The following KIF6 variants were observed in gnomAD, a reference collection of about 807,000 sequenced individuals.
KIF6 encodes kinesin-like protein KIF6.
A neutral mutation model predicts 112.7 loss-of-function variants in KIF6; 106 were observed. The ratio of observed to expected loss-of-function variants is 0.94; its 90% CI spans 0.80 to 1.11. The LOEUF (loss-of-function observed/expected upper bound fraction) is 1.11, where lower values mean the gene tolerates loss of function less well. Among genes scored for constraint, KIF6 ranks in the 50% least tolerant of loss-of-function variants. The pLI, the probability that KIF6 is intolerant of heterozygous loss-of-function variation, is 0.00. For synonymous variants in KIF6, 339 were observed against 339.9 expected, an observed-to-expected ratio of 1.00 and a Z score of 0.03; for missense variants, 929 against 964.0, an observed-to-expected ratio of 0.96 and a Z score of 0.48.
intron 13 of KIF6, among the ~76,000 whole-genome samples, chr6:39,475,415 T>A (rs1376515847): frequency 6.6e-6 from 1 of 152,250 alleles, no homozygotes; most frequent in Non-Finnish European, 1.5e-5. Flanking sequence ...TTTGCAAGTA[T>A]GCTTATTTTA....
At chr6:39,601,094 T>G (rs532058909) in intron 6 of KIF6, among the ~76,000 whole-genome samples, 1 of 152,148 alleles carries the variant, frequency 6.6e-6, no homozygotes, top group African/African-American at 2.4e-5. Context: ...TTGTTCTGTA[T>G]AGCAGATTGG....
At chr6:39,460,470 C>A (rs1773395416) in intron 13 of KIF6, among the ~76,000 whole-genome samples, 1 of 113,926 alleles carries the variant, frequency 8.8e-6, no homozygotes, top group Admixed American at 1.1e-4. Flanking sequence ...CACATGTATA[C>A]ATATGTAACT....
intron 6 of KIF6, among the ~76,000 whole-genome samples, chr6:39,612,137 T>A (rs961671999): frequency 6.6e-6 from 1 of 152,164 alleles, no homozygotes; most frequent in Non-Finnish European, 1.5e-5. Flanking sequence ...GCTTTCAGTA[T>A]CTGAATTTGG....
chr6:39,596,231 G>A lies in KIF6; in HGVS notation c.669C>T (p.Ser223=). The change falls in exon 7 of 23, where the codon TCC becomes TCT. Residue 223 remains serine, a synonymous_variant. Transcript: ENST00000287152. ...ETPMNQASTR[S]HCIFTIHLSS... ...ACAAATGAATGGTGAAAATGCAGTG[G>A]GAACGGGTTGAAGCTTGGTTCATAG... 1.9e-6 allele frequency: 3 copies of A among 1,613,880 alleles called. No homozygotes were observed. Among genetic ancestry groups the A allele is most frequent in the Non-Finnish European group, 2.5e-6 (3 of 1,179,892 alleles).
intron 13 of KIF6, among the ~76,000 whole-genome samples, chr6:39,511,532 G>T (rs184208847): frequency 1.2e-4 from 19 of 152,274 alleles, no homozygotes; most frequent in Admixed American, 9.8e-4. Context: ...AAGACAGTGT[G>T]GTGATTCCTC....
intron 3 of KIF6, among the ~76,000 whole-genome samples, chr6:39,689,438 A>C (rs554178318): frequency 1.3e-5 from 2 of 152,118 alleles, no homozygotes; most frequent in Non-Finnish European, 2.9e-5. Flanking sequence ...CTGAGGCTGC[A>C]ATGAGCCCTG....
At chr6:39,574,502 T>C (rs1780822039) in intron 10 of KIF6, among the ~76,000 whole-genome samples, 2 of 152,248 alleles carry the variant, frequency 1.3e-5, no homozygotes, top group African/African-American at 4.8e-5. Context: ...CTAGATGTTC[T>C]TGTTTTCAGA....
intron 16 of KIF6, among the ~76,000 whole-genome samples, chr6:39,375,943 C>A (rs1581708919): frequency 6.6e-6 from 1 of 152,164 alleles, no homozygotes; most frequent in African/African-American, 2.4e-5. Context: ...GGTGCAGGAG[C>A]CTTAAACCAC....
intron 14 of KIF6, among the ~76,000 whole-genome samples, chr6:39,426,425 G>T (rs796488107): frequency 2.7e-4 from 41 of 152,244 alleles, no homozygotes; most frequent in African/African-American, 9.9e-4. Flanking sequence ...AGCAAAGGGT[G>T]CAGGAAAAAG....
intron 3 of KIF6, among the ~76,000 whole-genome samples, chr6:39,668,553 G>T (rs113427269): frequency 0.033 from 5,006 of 152,200 alleles, 107 homozygotes; most frequent in Non-Finnish European, 0.049. Flanking sequence ...TTCAGGCTTT[G>T]CTTGAATACT....
rs58810898 is a variant in KIF6, at chr6:39,349,631, C to CTTTTTTTTTTTTTT, written c.2181-3119_2181-3106dup. On this transcript the variant is annotated intron_variant, in intron 19 of 22. Transcript: ENST00000287152. ...GAAGGTCTAGGTTTAATTTGTGGCT[C>CTTTTTTTTTTTTTT]TTTTTTTTTTTTTTTTTTTTTTTTT... Among the ~76,000 whole-genome samples the CTTTTTTTTTTTTTT allele has an allele frequency of 1.2e-3, 76 of 64,560 alleles. 6 individuals are homozygous for CTTTTTTTTTTTTTT. Among genetic ancestry groups the CTTTTTTTTTTTTTT allele is most frequent in the East Asian group, 4.7e-3 (6 of 1,272 alleles). The allele number at this position is 64,560 out of a possible 152,430, so 42.4% of individuals were successfully genotyped here. A position where few individuals can be genotyped will look rare whatever the true frequency, so the allele number is the denominator to read the frequency against.
chr6:39,540,051 C>T lies in KIF6; in HGVS notation c.1597G>A (p.Asp533Asn). 6.2e-7 allele frequency: 1 copy of T among 1,613,422 alleles called. No homozygotes were observed. Among genetic ancestry groups the T allele is most frequent in the East Asian group, 2.2e-5 (1 of 44,874 alleles). ...GATCTTTTCCCCAAAATGCTGAAGT[C>T]CTGGGCCTGTGAGGGAGCTGAGGAT... ...RLSSAPSQAQ[D>N]FSILGKRSSL... is the part of the protein sequence containing the mutation. Residue 533 changes from aspartate (D) to asparagine (N), a missense_variant, in exon 13 of 23, where the codon GAC becomes AAC. Physicochemically the swap from Asp to Asn is conservative, Grantham distance 23. Transcript: ENST00000287152.
At chr6:39,352,706 C>T (rs1011318697) in intron 19 of KIF6, among the ~76,000 whole-genome samples, 1 of 151,450 alleles carries the variant, frequency 6.6e-6, no homozygotes, top group Non-Finnish European at 1.5e-5. Flanking sequence ...TCGGTTCAAG[C>T]GATTCTCCTG....
intron 3 of KIF6, among the ~76,000 whole-genome samples, chr6:39,649,756 A>C (rs1184263108): frequency 9.9e-6 from 1 of 101,214 alleles, no homozygotes; most frequent in African/African-American, 2.8e-5. Context: ...AAAGAAAGAA[A>C]GAAAGAAAGA....
At chr6:39,688,407 T>A (rs2113795041) in intron 3 of KIF6, among the ~76,000 whole-genome samples, 1 of 152,286 alleles carries the variant, frequency 6.6e-6, no homozygotes, top group East Asian at 1.9e-4. Flanking sequence ...ATCTTACTTT[T>A]GCCAAATATA....
Position 39,414,021 on chromosome 6 carries a change from T to C in KIF6, c.1810+5927A>G, listed in dbSNP as rs140656085. Among the ~76,000 whole-genome samples, 779 of 152,354 alleles carry C rather than the reference T, an allele frequency of 5.1e-3. 6 individuals are homozygous for C. Among genetic ancestry groups the C allele is most frequent in the African/African-American group, 0.017 (711 of 41,582 alleles). Reference sequence around the variant, plus strand: ...CTTTTCTCTGAACCATTTCTATTCTTGTAGGGATCTGGAATTACTGAGGAA... The same window carrying C: ...CTTTTCTCTGAACCATTTCTATTCTCGTAGGGATCTGGAATTACTGAGGAA... On this transcript the variant is annotated intron_variant, in intron 15 of 22. Coordinates refer to ENST00000287152, the MANE Select transcript of KIF6 (RefSeq NM_145027.6).
chr6:39,638,582 A>G (rs1335573115), intron 4 of KIF6, among the ~76,000 whole-genome samples: 1 of 152,120 alleles, frequency 6.6e-6, no homozygotes, highest in African/African-American at 2.4e-5. Flanking sequence ...GAGCTGAACT[A>G]ATGGATAATT....
At chr6:39,590,819 C>T (rs1310263772) in intron 7 of KIF6, among the ~76,000 whole-genome samples, 1 of 152,022 alleles carries the variant, frequency 6.6e-6, no homozygotes, top group Non-Finnish European at 1.5e-5. Flanking sequence ...GAAAATGTAA[C>T]CCAAACTGGT....
intron 10 of KIF6, among the ~76,000 whole-genome samples, chr6:39,566,180 T>C (rs919611551): frequency 8.5e-5 from 13 of 152,370 alleles, no homozygotes; most frequent in Non-Finnish European, 1.5e-4. Flanking sequence ...AGTATGTGCA[T>C]ATACATGTTG....
Sources: allele counts gnomAD v4.1 joint callset (sites outside exome capture counted in the v4.1 genomes callset), GRCh38; gene constraint gnomAD v4.1.1; transcripts MANE v1.5; gene names NCBI Gene and HGNC (gene_info 2026-07-23, HGNC 2026-07-21).